DNAAF4: variants seen among roughly 807,000 people sequenced by gnomAD.
DNAAF4 encodes the protein dynein axonemal assembly factor 4, also known as dynein assembly factor 4, axonemal.
A neutral mutation model predicts 51.8 loss-of-function variants in DNAAF4; 43 were observed. That is an observed-to-expected ratio of 0.83 (90% CI 0.65 to 1.07). DNAAF4 has a LOEUF of 1.07. Ranked by LOEUF, DNAAF4 falls within the 50% of genes least tolerant of loss-of-function variation. The pLI, the probability that DNAAF4 is intolerant of heterozygous loss-of-function variation, is 0.00. For synonymous variants in DNAAF4, 194 were observed against 165.6 expected (o/e 1.17, Z -1.32); for missense variants, 581 against 493.0 (o/e 1.18, Z -1.69).
At position 55,433,875 on chromosome 15, in the gene DNAAF4, T is replaced by A. The variant is rs1461644196; in HGVS notation, c.1047+1030A>T. On this transcript the variant is annotated intron_variant, in intron 8 of 9. Transcript: ENST00000321149. ...TATATTATAATATATATTATATATATTACATATATTATATATATATTATAT... is the reference window on the plus strand; with the variant it reads ...TATATTATAATATATATTATATATAATACATATATTATATATATATTATAT... Among the ~76,000 whole-genome samples the A allele has an allele frequency of 8.3e-4, 20 of 23,954 alleles. 1 individual carries two copies. Among genetic ancestry groups the A allele is most frequent in the Non-Finnish European group, 1.4e-3 (20 of 14,388 alleles). The allele number at this position is 23,954 out of a possible 152,430, so 15.7% of individuals were successfully genotyped here.
At chr15:55,495,668 G>C (rs1340319582) in intron 3 of DNAAF4, among the ~76,000 whole-genome samples, 1 of 152,182 alleles carries the variant, frequency 6.6e-6, no homozygotes, top group Non-Finnish European at 1.5e-5. Context: ...CTAGGAGTTT[G>C]AGGTTACAAT....
At chr15:55,446,313 T>C (rs1278485813) in intron 6 of DNAAF4, among the ~76,000 whole-genome samples, 12 of 35,996 alleles carry the variant, frequency 3.3e-4, no homozygotes, top group African/African-American at 3.4e-4. Flanking sequence ...GGGGGGCAGC[T>C]GGGCAGAGGC....
downstream of DNAAF4, among the ~76,000 whole-genome samples, chr15:55,426,866 C>A (rs2057435041): frequency 6.6e-6 from 1 of 152,164 alleles, no homozygotes; most frequent in African/African-American, 2.4e-5. Context: ...TTACATCAAC[C>A]AACCCACTTT....
intron 6 of DNAAF4, among the ~76,000 whole-genome samples, chr15:55,446,223 G>T (rs1397256603): frequency 2.8e-5 from 4 of 145,008 alleles, no homozygotes; most frequent in Admixed American, 2.8e-4. Flanking sequence ...CCCAGAAGGG[G>T]TGGCAGCTGG....
intron 4 of DNAAF4, among the ~76,000 whole-genome samples, chr15:55,487,813 G>C (rs1372997316): frequency 6.6e-6 from 1 of 152,126 alleles, no homozygotes; most frequent in Admixed American, 6.5e-5. Flanking sequence ...ATGTTCCTTT[G>C]TGTGCCTTAT....
rs141109344 is a variant in DNAAF4 at position 55,473,987 on chromosome 15, G to A, written c.406-6826C>T. On this transcript the variant is annotated intron_variant, in intron 4 of 9. Coordinates refer to ENST00000321149, the MANE Select transcript of DNAAF4 (RefSeq NM_130810.4). ...AGCCTGGGTCACAGAGCAAGACTCC[G>A]TCTCAAAAAAATAAAAATAAAAAAT... Among the ~76,000 whole-genome samples, 665 of 151,578 alleles carry A rather than the reference G, an allele frequency of 4.4e-3. 6 individuals carry two copies. The highest frequency in any genetic ancestry group is 0.014 in the African/African-American group (583 of 41,338).
chr15:55,506,984 G>C (rs1420696284), intron 1 of DNAAF4, among the ~76,000 whole-genome samples: 1 of 151,930 alleles, frequency 6.6e-6, no homozygotes, highest in Non-Finnish European at 1.5e-5. Context: ...TGAGTAGCTG[G>C]GATTACAGGC....
chr15:55,440,012 G>A (rs900835288), intron 6 of DNAAF4, among the ~76,000 whole-genome samples: 45 of 151,980 alleles, frequency 3.0e-4, no homozygotes, highest in African/African-American at 9.9e-4. Context: ...CCCAGTCTAT[G>A]GTATTTTGTT....
At chr15:55,425,475 A>G (rs2057422597), downstream of DNAAF4, among the ~76,000 whole-genome samples, 1 of 152,146 alleles carries the variant, frequency 6.6e-6, no homozygotes, top group Non-Finnish European at 1.5e-5. Context: ...AACTGAGCCT[A>G]GTTCTTTTTC....
At chr15:55,494,183 C>T (rs2141594369) in intron 3 of DNAAF4, among the ~76,000 whole-genome samples, 1 of 152,154 alleles carries the variant, frequency 6.6e-6, no homozygotes, top group African/African-American at 2.4e-5. Flanking sequence ...GTATGCGCCA[C>T]CATGCCCGGC....
intron 5 of DNAAF4, among the ~76,000 whole-genome samples, chr15:55,465,297 T>G (rs1464083712): frequency 6.6e-6 from 1 of 151,908 alleles, no homozygotes; most frequent in Non-Finnish European, 1.5e-5. Flanking sequence ...ACTTGCACAC[T>G]CATGTTTATA....
chr15:55,437,822 G>T (rs12372992), intron 7 of DNAAF4, among the ~76,000 whole-genome samples: 35,753 of 152,082 alleles, frequency 0.24, 5,316 homozygotes, highest in Non-Finnish European at 0.34. Context: ...GCCTTCAAAA[G>T]GAAGGCAGTT....
chr15:55,435,932 G>T (rs148347731), intron 7 of DNAAF4, among the ~76,000 whole-genome samples: 1 of 152,258 alleles, frequency 6.6e-6, no homozygotes, highest in Non-Finnish European at 1.5e-5. Context: ...GGGATTACAG[G>T]CATGTACCAC....
intron 1 of DNAAF4, among the ~76,000 whole-genome samples, chr15:55,500,305 C>T (rs745457073): frequency 1.4e-4 from 22 of 152,166 alleles, no homozygotes; most frequent in Non-Finnish European, 2.6e-4. Flanking sequence ...TGGGAGTCAT[C>T]CTAGACTTGC....
chr15:55,418,547 C>G, intron 7 of DNAAF4: 2 of 1,489,538 alleles, frequency 1.3e-6, no homozygotes, highest in Non-Finnish European at 1.8e-6. Flanking sequence ...TCTTGATTTT[C>G]CTAATATTCA....
At chr15:55,476,744 A>G (rs2058339980) in intron 4 of DNAAF4, among the ~76,000 whole-genome samples, 1 of 152,226 alleles carries the variant, frequency 6.6e-6, no homozygotes. Flanking sequence ...ATGAAGTAAA[A>G]TAAGTCATTT....
At chr15:55,494,116 G>A (rs2058609057) in intron 3 of DNAAF4, among the ~76,000 whole-genome samples, 2 of 148,536 alleles carry the variant, frequency 1.3e-5, no homozygotes, top group Admixed American at 1.4e-4. Flanking sequence ...CGCAACCTCC[G>A]CCTCCCGGGT....
intron 4 of DNAAF4, among the ~76,000 whole-genome samples, chr15:55,477,951 C>T (rs1303725131): frequency 6.6e-6 from 1 of 152,080 alleles, no homozygotes; most frequent in Non-Finnish European, 1.5e-5. Context: ...TGGCAGGTGC[C>T]TGTAACCCCA....
chr15:55,443,385 C>T lies in DNAAF4; in HGVS notation c.784-3804G>A, dbSNP rs897764889. 11 of 649,036 alleles carry T rather than the reference C, an allele frequency of 1.7e-5. No individual in the cohort carries two copies. In the East Asian group the frequency reaches 2.2e-4, roughly 13 times the overall value. The allele number at this position is 649,036 out of a possible 1,614,324, so 40.2% of individuals were successfully genotyped here. On this transcript the variant is annotated intron_variant, in intron 6 of 9. Transcript: ENST00000321149. ...CTCAGGGCCGTGCAGGCCGTGGGGCCGCACTTGCTCTAGCCCTGGATGGCA... is the reference window on the plus strand; with the variant it reads ...CTCAGGGCCGTGCAGGCCGTGGGGCTGCACTTGCTCTAGCCCTGGATGGCA...
Sources: allele counts gnomAD v4.1 joint callset (sites outside exome capture counted in the v4.1 genomes callset), GRCh38; gene constraint gnomAD v4.1.1; transcripts MANE v1.5; gene names NCBI Gene and HGNC (gene_info 2026-07-23, HGNC 2026-07-21).